Variants in PPARGC1A observed in about 807,000 individuals in gnomAD.
The protein encoded by PPARGC1A is peroxisome proliferator-activated receptor gamma coactivator 1-alpha.
In PPARGC1A, 25 loss-of-function variants were observed where a neutral mutation model predicts 88.7. The observed-to-expected ratio is 0.28, with a 90% CI of 0.21 to 0.39. PPARGC1A has a LOEUF of 0.39. Ranked by LOEUF, PPARGC1A falls within the 10% of genes least tolerant of loss-of-function variation. The probability of loss-of-function intolerance (pLI) is 1.00; values close to 1 mark genes in which losing one functional copy is unlikely to be tolerated. For missense variants in PPARGC1A, 880 were observed against 968.7 expected, an observed-to-expected ratio of 0.91 and a Z score of 1.22; for synonymous variants, 363 against 355.6, an observed-to-expected ratio of 1.02 and a Z score of -0.24.
chr4:24,238,764 T>C, the PPARGC1A span, among the ~76,000 whole-genome samples: 1 of 150,284 alleles, frequency 6.7e-6, no homozygotes, highest in African/African-American at 2.4e-5. Flanking sequence ...TGTGTGTGTG[T>C]GTGTGTGTGT....
the PPARGC1A span, among the ~76,000 whole-genome samples, chr4:24,041,735 A>G: frequency 8.5e-5 from 13 of 152,202 alleles, no homozygotes; most frequent in African/African-American, 3.1e-4. Context: ...GATTCGACAC[A>G]CACCCATGAA....
the PPARGC1A span, among the ~76,000 whole-genome samples, chr4:24,208,458 A>C: frequency 1.3e-5 from 2 of 152,150 alleles, no homozygotes; most frequent in African/African-American, 4.8e-5. Flanking sequence ...TTACCTAGCC[A>C]GGGCCACTAT....
At chr4:23,978,286 A>G in the PPARGC1A span, among the ~76,000 whole-genome samples, 4 of 152,218 alleles carry the variant, frequency 2.6e-5, no homozygotes, top group African/African-American at 9.6e-5. Context: ...AATTCGTTTT[A>G]TAGCAGAACA....
chr4:24,115,823 A>G, the PPARGC1A span, among the ~76,000 whole-genome samples: 4 of 152,176 alleles, frequency 2.6e-5, no homozygotes, highest in Non-Finnish European at 5.9e-5. Flanking sequence ...AAGATCAGAG[A>G]CATGAAACGT....
intron 2 of PPARGC1A, among the ~76,000 whole-genome samples, chr4:23,851,111 A>G (rs115594152): frequency 4.0e-4 from 61 of 152,338 alleles, no homozygotes; most frequent in African/African-American, 1.4e-3. Context: ...TAATGGACTT[A>G]TCCATCTCAC....
At chr4:24,142,180 A>G in the PPARGC1A span, among the ~76,000 whole-genome samples, 1 of 152,216 alleles carries the variant, frequency 6.6e-6, no homozygotes, top group Non-Finnish European at 1.5e-5. Flanking sequence ...CAGCCTCCAT[A>G]GAGTGTTTGA....
chr4:24,294,113 G>A, the PPARGC1A span, among the ~76,000 whole-genome samples: 1 of 152,098 alleles, frequency 6.6e-6, no homozygotes, highest in Non-Finnish European at 1.5e-5. Context: ...ATCCCAAGTC[G>A]AGCTCATACC....
the PPARGC1A span, among the ~76,000 whole-genome samples, chr4:24,090,679 G>A: frequency 6.6e-6 from 1 of 152,094 alleles, no homozygotes; most frequent in African/African-American, 2.4e-5. Context: ...CAGAAAAAAA[G>A]CTCTGGCATC....
intron 1 of PPARGC1A, among the ~76,000 whole-genome samples, chr4:23,895,277 C>T (rs2148866393): frequency 6.7e-6 from 1 of 150,280 alleles, no homozygotes; most frequent in Admixed American, 6.6e-5. Flanking sequence ...CTGTATTTTG[C>T]AAATAGTCTC....
chr4:23,828,866 A>T (rs560549933), intron 4 of PPARGC1A, among the ~76,000 whole-genome samples: 1 of 152,302 alleles, frequency 6.6e-6, no homozygotes, highest in Admixed American at 6.5e-5. Context: ...AAGACCCTAC[A>T]GCGCCTTTAT....
the PPARGC1A span, among the ~76,000 whole-genome samples, chr4:24,008,149 C>T: frequency 2.0e-5 from 3 of 152,176 alleles, no homozygotes; most frequent in Non-Finnish European, 4.4e-5. Flanking sequence ...AGATCTCGCC[C>T]AGCTGGGAAG....
chr4:24,338,498 A>AAG, the PPARGC1A span, among the ~76,000 whole-genome samples: 1 of 152,300 alleles, frequency 6.6e-6, no homozygotes. Context: ...CAGGCTGATA[A>AAG]CTTTCAACAT....
chr4:24,349,641 C>T, the PPARGC1A span, among the ~76,000 whole-genome samples: 1 of 152,182 alleles, frequency 6.6e-6, no homozygotes, highest in Non-Finnish European at 1.5e-5. Flanking sequence ...GCCAGTCTCA[C>T]TCCCACCGTG....
At chr4:24,068,269 C>T in the PPARGC1A span, among the ~76,000 whole-genome samples, 19 of 152,240 alleles carry the variant, frequency 1.2e-4, no homozygotes, top group South Asian at 2.1e-4. Flanking sequence ...GAGAGGAAAG[C>T]GGCAGAGCAC....
chr4:23,797,625 A>G (rs1209756640), intron 12 of PPARGC1A, among the ~76,000 whole-genome samples: 1 of 152,232 alleles, frequency 6.6e-6, no homozygotes, highest in Non-Finnish European at 1.5e-5. Context: ...ATTGTGAAAT[A>G]GTAGTTCTCA....
chr4:24,138,560 A>G, the PPARGC1A span, among the ~76,000 whole-genome samples: 1 of 152,314 alleles, frequency 6.6e-6, no homozygotes, highest in African/African-American at 2.4e-5. Flanking sequence ...CCCCAGAATT[A>G]AGTGCCTGGG....
chr4:24,119,020 G>A, the PPARGC1A span, among the ~76,000 whole-genome samples: 2 of 152,132 alleles, frequency 1.3e-5, no homozygotes, highest in African/African-American at 4.8e-5. Context: ...CCTATCAAAC[G>A]CATCACCTTG....
the PPARGC1A span, among the ~76,000 whole-genome samples, chr4:24,153,428 T>G: frequency 6.6e-6 from 1 of 152,200 alleles, no homozygotes; most frequent in South Asian, 2.1e-4. Flanking sequence ...TGAAATTAAA[T>G]AGTGTAGATT....
chr4:24,305,867 C>T, the PPARGC1A span, among the ~76,000 whole-genome samples: 2 of 152,260 alleles, frequency 1.3e-5, no homozygotes, highest in South Asian at 2.1e-4. Context: ...CCTGGGTCCT[C>T]GTGCCCTGGG....
Sources: gnomAD v4.1 joint callset for allele counts (sites outside exome capture counted in the v4.1 genomes callset) on GRCh38, gnomAD v4.1.1 for gene constraint, MANE v1.5 for transcripts, NCBI Gene and HGNC (gene_info 2026-07-23, HGNC 2026-07-21) for gene names.